DZIP1: variants seen among roughly 807,000 people sequenced by gnomAD.
DZIP1 encodes the protein DAZ interacting zinc finger protein 1.
A neutral mutation model predicts 107.6 loss-of-function variants in DZIP1; 97 were observed. That is an observed-to-expected ratio of 0.90 (90% CI 0.77 to 1.07). DZIP1 has a LOEUF of 1.07. Among genes scored for constraint, DZIP1 ranks in the 50% least tolerant of loss-of-function variants. The pLI is 0.00. For missense variants in DZIP1, 1,035 were observed against 1,063.6 expected, an observed-to-expected ratio of 0.97 and a Z score of 0.37; for synonymous variants, 390 against 386.4, an observed-to-expected ratio of 1.01 and a Z score of -0.11.
At chr13:95,620,617 A>T (rs1415327106) in intron 9 of DZIP1, among the ~76,000 whole-genome samples, 2 of 152,154 alleles carry the variant, frequency 1.3e-5, no homozygotes, top group Non-Finnish European at 2.9e-5. Context: ...TCATTCCACA[A>T]CTGTATTGGG....
chr13:95,606,605 G>A (rs970406006), intron 13 of DZIP1, among the ~76,000 whole-genome samples: 1 of 152,170 alleles, frequency 6.6e-6, no homozygotes, highest in Admixed American at 6.5e-5. Flanking sequence ...AACATTCTGT[G>A]TTATAAACTG....
At chr13:95,612,255 T>C (rs2045036731) in intron 10 of DZIP1, 78 bp from the exon 11 acceptor site, 4 of 1,494,288 alleles carry the variant, frequency 2.7e-6, no homozygotes, top group East Asian at 2.3e-5. Flanking sequence ...CAGGTATACA[T>C]GCTCTGCCTG....
intron 9 of DZIP1, among the ~76,000 whole-genome samples, chr13:95,621,629 T>G (rs1875856961): frequency 6.6e-6 from 1 of 150,984 alleles, no homozygotes; most frequent in African/African-American, 2.4e-5. Flanking sequence ...TGATTATGTT[T>G]GATAAATGTA....
At chr13:95,640,843 G>A (rs1878400994) in intron 5 of DZIP1, among the ~76,000 whole-genome samples, 1 of 152,070 alleles carries the variant, frequency 6.6e-6, no homozygotes, top group African/African-American at 2.4e-5. Context: ...GGGAATCTGG[G>A]TGAAGGGCGC....
intron 14 of DZIP1, among the ~76,000 whole-genome samples, chr13:95,605,778 C>A (rs910273868): frequency 1.3e-5 from 2 of 152,178 alleles, no homozygotes; most frequent in Admixed American, 6.5e-5. Context: ...GTCTGGCAAC[C>A]TTTTATACCT....
chr13:95,644,103 C>G (rs990507788), intron 1 of DZIP1, among the ~76,000 whole-genome samples: 14 of 152,218 alleles, frequency 9.2e-5, no homozygotes, highest in African/African-American at 3.4e-4. Flanking sequence ...CGGGCAGGGC[C>G]CCCAGCCTTG....
At chr13:95,603,047 G>A (rs937906493) in intron 14 of DZIP1, among the ~76,000 whole-genome samples, 15 of 152,130 alleles carry the variant, frequency 9.9e-5, no homozygotes, top group Non-Finnish European at 2.2e-4. Flanking sequence ...AAGTGGGAGC[G>A]GTGGGCTCAC....
At chr13:95,615,672 G>T (rs1025514980) in intron 10 of DZIP1, among the ~76,000 whole-genome samples, 5 of 152,194 alleles carry the variant, frequency 3.3e-5, no homozygotes, top group Admixed American at 3.3e-4. Flanking sequence ...GCAACCACTT[G>T]AAGCTGTCAC....
chr13:95,594,325 A>C (rs1018910382), intron 15 of DZIP1, among the ~76,000 whole-genome samples: 2 of 152,332 alleles, frequency 1.3e-5, no homozygotes, highest in South Asian at 2.1e-4. Flanking sequence ...TCACTTAATC[A>C]GATGACAACT....
intron 15 of DZIP1, among the ~76,000 whole-genome samples, chr13:95,595,959 A>G (rs1002057801): frequency 1.2e-4 from 18 of 152,236 alleles, no homozygotes; most frequent in African/African-American, 4.1e-4. Flanking sequence ...CTCTGATGAC[A>G]GGTTCATTTT....
Position 95,589,933 on chromosome 13 carries a change from C to T in DZIP1, c.1844-1G>A. 1 of 1,613,074 alleles carries T rather than the reference C, an allele frequency of 6.2e-7. No individual in the cohort carries two copies. The highest frequency in any genetic ancestry group is 1.1e-5 in the South Asian group (1 of 90,806). On this transcript the variant is annotated splice_acceptor_variant, in intron 17 of 22. Coordinates refer to ENST00000376829, the MANE Select transcript of DZIP1 (RefSeq NM_198968.4). LOFTEE classifies it high-confidence loss of function. ...TCCATTTGAGAAACACTGCACTGAT[C>T]TGGAATATAGTGTCATTCATGAGTC...
chr13:95,641,333 G>T lies in DZIP1; in HGVS notation c.559C>A (p.Gln187Lys). ...CKRRKKMIST[Q>K]QLMIEAKANY... The stretch of plus-strand genomic sequence containing the variant: ...GCTTTGGCCTCGATCATCAGCTGCT[G>T]GGTGGAGATCATCTTCTTCCGGCGT... The change falls in exon 5 of 23, where the codon CAG (glutamine) becomes AAG (lysine). Residue 187 changes from glutamine (Q) to lysine (K), a missense_variant. By Grantham distance (53) the Gln-to-Lys change is moderately conservative. Coordinates refer to ENST00000376829, the MANE Select transcript of DZIP1 (RefSeq NM_198968.4). The surrounding 1 kb of genome is among the most constrained non-coding windows in gnomAD (Gnocchi z 4.3). 1 of 1,607,540 alleles carries T rather than the reference G, an allele frequency of 6.2e-7. No individual in the cohort carries two copies.
At chr13:95,623,952 A>C (rs1876219779) in intron 8 of DZIP1, among the ~76,000 whole-genome samples, 1 of 152,232 alleles carries the variant, frequency 6.6e-6, no homozygotes, top group African/African-American at 2.4e-5. Flanking sequence ...AAAAATAAAA[A>C]GTAAAAATGT....
chr13:95,622,253 AAC>A, intron 9 of DZIP1, 88 bp downstream of exon 9: 5 of 1,546,720 alleles, frequency 3.2e-6, no homozygotes, highest in Non-Finnish European at 8.8e-7. Flanking sequence ...AAAAAAGACA[AAC>A]ACTTTTTCTG....
rs534455241 is a variant in DZIP1, at chr13:95,578,947, A to G, written c.*3287T>C. 1.2e-3 allele frequency: 188 copies of G among 152,354 alleles called. No individual in the cohort carries two copies. The highest frequency in any genetic ancestry group is 4.1e-3 in the African/African-American group (172 of 41,574). The allele number at this position is 152,354 out of a possible 1,614,324, so 9.4% of individuals were successfully genotyped here. On this transcript the variant is annotated 3_prime_UTR_variant, in exon 23 of 23. Coordinates refer to ENST00000376829, the MANE Select transcript of DZIP1 (RefSeq NM_198968.4). ...GAGGCGTCCCTGGCACGGAATGCAG[A>G]GCCCTGAGCTAGGGCATCAGCAGAA...
intron 10 of DZIP1, among the ~76,000 whole-genome samples, chr13:95,617,376 C>A (rs567265889): frequency 7.2e-5 from 11 of 152,222 alleles, no homozygotes; most frequent in Non-Finnish European, 1.5e-4. Flanking sequence ...CCACAAGGAA[C>A]CTCAGACAGG....
chr13:95,630,543 C>T (rs80096974), intron 6 of DZIP1, among the ~76,000 whole-genome samples: 26 of 152,006 alleles, frequency 1.7e-4, no homozygotes, highest in African/African-American at 5.3e-4. Context: ...TTTAGGTGCC[C>T]GCTGAACTCT....
chr13:95,642,339 C>T (rs570527386), intron 3 of DZIP1, 98 bp from the exon 4 acceptor site: 1 of 336,770 alleles, frequency 3.0e-6, no homozygotes, highest in South Asian at 1.0e-4. Flanking sequence ...AGGGCGCCAC[C>T]CTCCCTGGCG....
chr13:95,624,154 T>A (rs553036019), intron 8 of DZIP1, among the ~76,000 whole-genome samples: 1 of 152,168 alleles, frequency 6.6e-6, no homozygotes, highest in Non-Finnish European at 1.5e-5. Flanking sequence ...TTCGCTCAGC[T>A]CCCTTCCTTT....
Sources: gnomAD v4.1 joint callset for allele counts (sites outside exome capture counted in the v4.1 genomes callset) on GRCh38, gnomAD v4.1.1 for gene constraint, Gnocchi (gnomAD v3.1) non-coding constraint, MANE v1.5 for transcripts, NCBI Gene and HGNC (gene_info 2026-07-23, HGNC 2026-07-21) for gene names.